ADGRL2: variants seen among roughly 807,000 people sequenced by gnomAD.
The protein encoded by ADGRL2 is adhesion G protein-coupled receptor L2.
In ADGRL2, 44 loss-of-function variants were observed where a neutral mutation model predicts 157.4. The ratio of observed to expected loss-of-function variants is 0.28; its 90% CI spans 0.22 to 0.36. ADGRL2 has a LOEUF of 0.36. Among genes scored for constraint, ADGRL2 ranks in the 10% least tolerant of loss-of-function variants. ADGRL2 has a pLI of 1.00. For missense variants in ADGRL2, 1,510 were observed against 1,768.9 expected, an observed-to-expected ratio of 0.85 and a Z score of 2.63; for synonymous variants, 585 against 624.7, an observed-to-expected ratio of 0.94 and a Z score of 0.95.
At chr1:81,494,980 C>T (rs1240069635) in intron 2 of ADGRL2, among the ~76,000 whole-genome samples, 1 of 152,058 alleles carries the variant, frequency 6.6e-6, no homozygotes, top group Non-Finnish European at 1.5e-5. Context: ...AGATAGATAA[C>T]TATTAACTCC....
chr1:81,361,230 C>A (rs1404237388), intron 1 of ADGRL2, among the ~76,000 whole-genome samples: 1 of 151,792 alleles, frequency 6.6e-6, no homozygotes, highest in African/African-American at 2.4e-5. Context: ...CATTGATTTC[C>A]AAGTCTCTAA....
At chr1:81,729,167 A>T (rs532631394) in intron 1 of ADGRL2, among the ~76,000 whole-genome samples, 1 of 151,442 alleles carries the variant, frequency 6.6e-6, no homozygotes, top group South Asian at 2.1e-4. Context: ...TCTTCCAGCC[A>T]TCATTTAAAA....
intron 1 of ADGRL2, among the ~76,000 whole-genome samples, chr1:81,803,403 T>C (rs1177519139): frequency 6.6e-6 from 1 of 152,100 alleles, no homozygotes; most frequent in Admixed American, 6.5e-5. Context: ...CTTTACTTAA[T>C]GCTAAAGTGT....
At chr1:81,834,540 C>T (rs977162119) in intron 1 of ADGRL2, among the ~76,000 whole-genome samples, 62 of 152,200 alleles carry the variant, frequency 4.1e-4, no homozygotes, top group African/African-American at 1.4e-3. Flanking sequence ...CTTTCATTAA[C>T]ATTTGTTTAA....
At chr1:81,886,572 C>T (rs1435448741) in intron 2 of ADGRL2, among the ~76,000 whole-genome samples, 1 of 152,102 alleles carries the variant, frequency 6.6e-6, no homozygotes, top group Non-Finnish European at 1.5e-5. Context: ...AGTGAGTTAA[C>T]CATTAGGTAA....
intron 3 of ADGRL2, among the ~76,000 whole-genome samples, chr1:81,610,045 A>G (rs2081508706): frequency 6.6e-6 from 1 of 152,180 alleles, no homozygotes; most frequent in Non-Finnish European, 1.5e-5. Context: ...TTTCACTGTC[A>G]GCTAACAGCC....
intron 1 of ADGRL2, among the ~76,000 whole-genome samples, chr1:81,753,707 G>C (rs2085566342): frequency 6.6e-6 from 1 of 152,126 alleles, no homozygotes; most frequent in South Asian, 2.1e-4. Flanking sequence ...ATTTAGATTA[G>C]AATGTAAGCT....
intron 3 of ADGRL2, among the ~76,000 whole-genome samples, chr1:81,643,289 A>T (rs2082255201): frequency 1.3e-5 from 2 of 152,126 alleles, no homozygotes; most frequent in Non-Finnish European, 2.9e-5. Flanking sequence ...TCAATATACC[A>T]GCAATGAACA....
chr1:81,973,656 A>G (rs1659397742), intron 17 of ADGRL2, among the ~76,000 whole-genome samples: 1 of 152,236 alleles, frequency 6.6e-6, no homozygotes, highest in Non-Finnish European at 1.5e-5. Flanking sequence ...GTTCATTTAT[A>G]GTAGAGCACA....
At chr1:81,355,391 T>C (rs1157988919) in intron 1 of ADGRL2, among the ~76,000 whole-genome samples, 1 of 152,034 alleles carries the variant, frequency 6.6e-6, no homozygotes, top group African/African-American at 2.4e-5. Context: ...AGAAAGAAAC[T>C]TGGTATACAA....
intron 1 of ADGRL2, among the ~76,000 whole-genome samples, chr1:81,441,713 T>A (rs924847412): frequency 6.6e-6 from 1 of 152,178 alleles, no homozygotes; most frequent in African/African-American, 2.4e-5. Context: ...AATTTTCTTG[T>A]ATTTTTAGTA....
intron 3 of ADGRL2, among the ~76,000 whole-genome samples, chr1:81,608,324 T>C (rs7536515): frequency 0.73 from 110,930 of 151,928 alleles, 40,652 homozygotes; most frequent in Admixed American, 0.78. Context: ...GCATGAGGCA[T>C]CCGGGAAGGG....
At chr1:81,497,219 G>A (rs2078749354) in intron 2 of ADGRL2, among the ~76,000 whole-genome samples, 2 of 152,160 alleles carry the variant, frequency 1.3e-5, no homozygotes, top group Non-Finnish European at 2.9e-5. Context: ...GGTCTAGGTA[G>A]CTGGGTTCAC....
At chr1:81,860,859 C>T (rs1029877199) in intron 2 of ADGRL2, among the ~76,000 whole-genome samples, 2 of 152,018 alleles carry the variant, frequency 1.3e-5, no homozygotes, top group African/African-American at 2.4e-5. Flanking sequence ...TCTTTTTATT[C>T]TTTATTGTTT....
chr1:81,460,991 T>C (rs1358385689), intron 2 of ADGRL2, among the ~76,000 whole-genome samples: 1 of 152,204 alleles, frequency 6.6e-6, no homozygotes, highest in Non-Finnish European at 1.5e-5. Flanking sequence ...GATGAGTGAA[T>C]ACTTGCACCT....
At chr1:81,428,603 G>A (rs1289885979) in intron 1 of ADGRL2, among the ~76,000 whole-genome samples, 4 of 152,114 alleles carry the variant, frequency 2.6e-5, no homozygotes, top group Non-Finnish European at 1.5e-5. Flanking sequence ...GGGGATGCAG[G>A]CAATTTTAGA....
At chr1:81,310,209 G>A (rs957774292) in intron 1 of ADGRL2, among the ~76,000 whole-genome samples, 2 of 152,174 alleles carry the variant, frequency 1.3e-5, no homozygotes, top group African/African-American at 4.8e-5. Context: ...TCTTGTGTCA[G>A]TAATTGTTAT....
intron 1 of ADGRL2, among the ~76,000 whole-genome samples, chr1:81,380,366 T>C (rs1362250210): frequency 1.3e-5 from 2 of 152,212 alleles, no homozygotes; most frequent in African/African-American, 4.8e-5. Context: ...TAAGCATATT[T>C]TATGTTTATA....
chr1:81,692,122 T>C (rs1398149934), intron 3 of ADGRL2, among the ~76,000 whole-genome samples: 1 of 151,654 alleles, frequency 6.6e-6, no homozygotes, highest in African/African-American at 2.4e-5. Context: ...TAAAATCAAA[T>C]TAGGCCGGGT....
Sources: gnomAD v4.1 joint callset for allele counts (sites outside exome capture counted in the v4.1 genomes callset) on GRCh38, gnomAD v4.1.1 for gene constraint, MANE v1.5 for transcripts, NCBI Gene and HGNC (gene_info 2026-07-23, HGNC 2026-07-21) for gene names.